Variants in ARF1 observed in about 807,000 individuals in gnomAD.
ARF1 encodes the protein ARF GTPase 1.
ARF1 carries 1 observed loss-of-function variant against 18.0 expected under a neutral mutation model. The observed-to-expected ratio is 0.06, with a 90% CI of 0.02 to 0.26. ARF1 has a LOEUF of 0.26. Ranked by LOEUF, ARF1 falls within the 10% of genes least tolerant of loss-of-function variation. The pLI is 1.00. For synonymous variants in ARF1, 112 were observed against 96.3 expected (o/e 1.16, Z -0.95); for missense variants, 73 against 247.2 (o/e 0.30, Z 4.73).
At chr1:228,086,324 G>A (rs915183158) in intron 1 of ARF1, among the ~76,000 whole-genome samples, 5 of 152,030 alleles carry the variant, frequency 3.3e-5, no homozygotes, top group Non-Finnish European at 7.4e-5. Context: ...GACCATCCTG[G>A]CGAACATGGT....
chr1:228,085,960 TG>T (rs1330334755), intron 1 of ARF1, among the ~76,000 whole-genome samples: 1 of 152,186 alleles, frequency 6.6e-6, no homozygotes, highest in East Asian at 1.9e-4. Flanking sequence ...TGACCAGTGA[TG>T]GGCAGCCCCT....
At chr1:228,088,681 C>T (rs1445848680) in intron 1 of ARF1, among the ~76,000 whole-genome samples, 1 of 152,184 alleles carries the variant, frequency 6.6e-6, no homozygotes, top group Non-Finnish European at 1.5e-5. Flanking sequence ...ATGGACATGG[C>T]TTGCCCTTGA....
In ARF1 at chr1:228,090,242, G is replaced by A. The variant is rs573070940; in HGVS notation, c.-37-6836G>A. 4.9e-4 allele frequency among the ~76,000 whole-genome samples: 74 copies of A among 152,342 alleles called. 1 individual carries two copies. Among genetic ancestry groups the A allele is most frequent in the Admixed American group, 4.6e-3 (70 of 15,310 alleles). ...GCCCTCAAGTTGGAAGAGCCCTTGGGCACAGCATAGGCGCCTGGCAGAATT... is the reference window on the plus strand; with the variant it reads ...GCCCTCAAGTTGGAAGAGCCCTTGGACACAGCATAGGCGCCTGGCAGAATT... On this transcript the variant is annotated intron_variant, in intron 1 of 4. Coordinates refer to ENST00000272102, the MANE Select transcript of ARF1 (RefSeq NM_001658.4).
At chr1:228,084,378 C>A (rs2032326079) in intron 1 of ARF1, among the ~76,000 whole-genome samples, 1 of 152,224 alleles carries the variant, frequency 6.6e-6, no homozygotes. Context: ...CACTTGTCTT[C>A]AGGCGTATCT....
Position 228,099,159 on chromosome 1 carries a change from GACAA to G in ARF1, c.*1151_*1154del, listed in dbSNP as rs1180102932. The G allele has an allele frequency of 2.0e-5, 3 of 152,594 alleles. No individual in the cohort carries two copies. The highest frequency in any genetic ancestry group is 6.5e-5 in the Admixed American group (1 of 15,284). The allele number at this position is 152,594 out of a possible 1,614,324, so 9.5% of individuals were successfully genotyped here. A position where few individuals can be genotyped will look rare whatever the true frequency, so the allele number is the denominator to read the frequency against. ...TATACTTGTTTTCAGTTTTCATTTC[GACAA>G]ACAAGCACTGTAATTATAGCTATTA... is the stretch of plus-strand genomic sequence containing the variant. On this transcript the variant is annotated 3_prime_UTR_variant, in exon 5 of 5. Transcript: ENST00000272102.
At chr1:228,087,387 T>A (rs1485505084) in intron 1 of ARF1, among the ~76,000 whole-genome samples, 4 of 152,242 alleles carry the variant, frequency 2.6e-5, no homozygotes, top group African/African-American at 9.6e-5. Context: ...GGGAATGCAG[T>A]TGCTCACTCA....
chr1:228,088,983 A>G lies in ARF1; in HGVS notation c.-38+6218A>G, dbSNP rs559744868. On this transcript the variant is annotated intron_variant, in intron 1 of 4. Coordinates refer to ENST00000272102, the MANE Select transcript of ARF1 (RefSeq NM_001658.4). ...GCCGTGGGGCAGCTCTGAGTAGAAC[A>G]TCGGGTCACCTGGCTGACTGGTGTG... Among the ~76,000 whole-genome samples, 3 of 152,284 alleles carry G rather than the reference A, an allele frequency of 2.0e-5. No individual in the cohort carries two copies. The East Asian group carries it at 5.8e-4, about 29-fold the overall frequency.
chr1:228,087,857 A>C (rs1447221097), intron 1 of ARF1, among the ~76,000 whole-genome samples: 1 of 152,204 alleles, frequency 6.6e-6, no homozygotes, highest in Non-Finnish European at 1.5e-5. Flanking sequence ...ACAGTTTTTA[A>C]AAAGCATGCA....
In ARF1 at chr1:228,097,032, C is replaced by A. The variant is rs2032769374; in HGVS notation, c.-37-46C>A. ...TGGGTGGGTGGGTTCTGAGCAACCACTGCTGGGCAGCACAGAACCAGACAT... is the reference window on the plus strand; with the variant it reads ...TGGGTGGGTGGGTTCTGAGCAACCAATGCTGGGCAGCACAGAACCAGACAT... On this transcript the variant is annotated intron_variant, in intron 1 of 4. Coordinates refer to ENST00000272102, the MANE Select transcript of ARF1 (RefSeq NM_001658.4). This position sits in a 1 kb window ranked among gnomAD's most constrained non-coding sequence, Gnocchi z 8.1. 1.3e-5 allele frequency: 20 copies of A among 1,504,684 alleles called. No homozygotes were observed. The South Asian group carries it at 2.6e-4, about 20-fold the overall frequency. The allele number at this position is 1,504,684 out of a possible 1,614,324, so 93.2% of individuals were successfully genotyped here.
intron 1 of ARF1, among the ~76,000 whole-genome samples, chr1:228,093,752 C>T (rs1337273273): frequency 6.6e-6 from 1 of 151,740 alleles, no homozygotes; most frequent in Non-Finnish European, 1.5e-5. Context: ...GGTGAAACCC[C>T]GTCTCTACTA....
At chr1:228,090,900 A>C (rs180823844) in intron 1 of ARF1, 1 of 152,308 alleles carries the variant, frequency 6.6e-6, no homozygotes, top group Non-Finnish European at 1.5e-5. Flanking sequence ...CAAGTCCTTC[A>C]TTGTAGCTGT....
intron 1 of ARF1, among the ~76,000 whole-genome samples, chr1:228,094,831 C>T (rs1239538296): frequency 6.6e-6 from 1 of 152,150 alleles, no homozygotes; most frequent in Non-Finnish European, 1.5e-5. Context: ...CAGAGTCTTC[C>T]ATTCTCTGGG....
rs771901253 is a variant in ARF1, at chr1:228,097,499, G to C, written c.259+47G>C. 4 of 1,613,252 alleles carry C rather than the reference G, an allele frequency of 2.5e-6. No homozygotes were observed. The highest frequency in any genetic ancestry group is 3.4e-6 in the Non-Finnish European group (4 of 1,179,544). On this transcript the variant is annotated intron_variant, in intron 3 of 4. Transcript: ENST00000272102. This position sits in a 1 kb window ranked among gnomAD's most constrained non-coding sequence, Gnocchi z 8.1. ...CCATGGGCACTCCTGCTTCTAGAGA[G>C]GGGGGGCCAGCCCATAGATGGGGCA...
intron 1 of ARF1, among the ~76,000 whole-genome samples, chr1:228,092,327 A>G (rs956531188): frequency 6.6e-6 from 1 of 152,164 alleles, no homozygotes; most frequent in Non-Finnish European, 1.5e-5. Context: ...TTGCCCTTGC[A>G]TTCCCTGCCA....
chr1:228,092,552 C>T (rs1302404495), intron 1 of ARF1, among the ~76,000 whole-genome samples: 1 of 152,212 alleles, frequency 6.6e-6, no homozygotes, highest in Admixed American at 6.5e-5. Context: ...GGACCTGGAG[C>T]TTGTTTGTCC....
rs375387304 is a variant in ARF1 at position 228,086,142 on chromosome 1, A to C, written c.-38+3377A>C. 2.6e-5 allele frequency among the ~76,000 whole-genome samples: 4 copies of C among 152,342 alleles called. No individual in the cohort carries two copies. The South Asian group carries it at 8.3e-4, about 32-fold the overall frequency. ...ATGAAGTCACACTTTTGCCTTCAGT[A>C]GTTAACAGCATCTACAGCCCCGTGT... On this transcript the variant is annotated intron_variant, in intron 1 of 4. Coordinates refer to ENST00000272102, the MANE Select transcript of ARF1 (RefSeq NM_001658.4).
chr1:228,094,371 A>G (rs2032668947), intron 1 of ARF1, among the ~76,000 whole-genome samples: 1 of 152,102 alleles, frequency 6.6e-6, no homozygotes, highest in African/African-American at 2.4e-5. Context: ...CCCCCTAGTA[A>G]TAACAACATC....
At chr1:228,090,049 C>T (rs1049797266) in intron 1 of ARF1, among the ~76,000 whole-genome samples, 6 of 152,248 alleles carry the variant, frequency 3.9e-5, no homozygotes, top group African/African-American at 1.2e-4. Flanking sequence ...ATTGCTGGAA[C>T]CAGCGGCCTC....
intron 1 of ARF1, among the ~76,000 whole-genome samples, chr1:228,084,341 C>G (rs2032324806): frequency 6.6e-6 from 1 of 152,244 alleles, no homozygotes; most frequent in Admixed American, 6.5e-5. Context: ...CATGTTTTCA[C>G]ATGTTGGTAG....
Sources: gnomAD v4.1 joint callset for allele counts (sites outside exome capture counted in the v4.1 genomes callset) on GRCh38, gnomAD v4.1.1 for gene constraint, Gnocchi (gnomAD v3.1) non-coding constraint, MANE v1.5 for transcripts, NCBI Gene and HGNC (gene_info 2026-07-23, HGNC 2026-07-21) for gene names.